PCDHA2: variants seen among roughly 807,000 people sequenced by gnomAD.
The protein encoded by PCDHA2 is protocadherin alpha-2.
PCDHA2 carries 58 observed loss-of-function variants against 66.0 expected under a neutral mutation model. The observed-to-expected ratio is 0.88, with a 90% confidence interval of 0.71 to 1.09. PCDHA2 has a LOEUF of 1.09. Among genes scored for constraint, PCDHA2 ranks in the 50% least tolerant of loss-of-function variants. The pLI, the probability that PCDHA2 is intolerant of heterozygous loss-of-function variation, is 0.00. For synonymous variants in PCDHA2, 634 were observed against 554.0 expected, an observed-to-expected ratio of 1.14 and a Z score of -2.03; for missense variants, 1,267 against 1,242.3, an observed-to-expected ratio of 1.02 and a Z score of -0.30.
At chr5:140,858,851 A>G in intron 1 of PCDHA2, 1 of 282,254 alleles carries the variant, frequency 3.5e-6, no homozygotes, top group Non-Finnish European at 6.7e-6. Flanking sequence ...ACTGATCTAT[A>G]TCTCTTCAGT....
At chr5:140,927,204 G>C (rs1554204171) in intron 1 of PCDHA2, 1 of 1,614,112 alleles carries the variant, frequency 6.2e-7, no homozygotes, top group Middle Eastern at 1.6e-4. Flanking sequence ...TCGAGGACCC[G>C]CTGGAGCTGC....
intron 1 of PCDHA2, among the ~76,000 whole-genome samples, chr5:140,971,541 G>A (rs544682624): frequency 6.6e-6 from 1 of 152,172 alleles, no homozygotes; most frequent in Non-Finnish European, 1.5e-5. Context: ...ATCATTGCCA[G>A]ATCAACCTGT....
At position 140,809,644 on chromosome 5, in the gene PCDHA2, C is replaced by A. The variant is rs1764516799; in HGVS notation, c.2388+12292C>A. On this transcript the variant is annotated intron_variant, in intron 1 of 3. Coordinates refer to ENST00000526136, the MANE Select transcript of PCDHA2 (RefSeq NM_018905.3). ...TATCAACTTCTTCGTAAATTTATTT[C>A]TAAGAGTCAAATTTCCCTGGGTTAA... 88 of 1,500,162 alleles carry A rather than the reference C, an allele frequency of 5.9e-5. No individual in the cohort carries two copies. The South Asian group carries it at 1.1e-3, about 19-fold the overall frequency. The allele number at this position is 1,500,162 out of a possible 1,614,324, so 92.9% of individuals were successfully genotyped here.
intron 1 of PCDHA2, chr5:140,870,884 G>A (rs376620715): frequency 6.5e-5 from 105 of 1,613,948 alleles, no homozygotes; most frequent in Admixed American, 3.3e-4. Context: ...GCGAAGGTGC[G>A]CGCAGTGGAT....
At chr5:140,810,968 ATTG>A (rs1373114679) in intron 1 of PCDHA2, 1 of 151,940 alleles carries the variant, frequency 6.6e-6, no homozygotes, top group Non-Finnish European at 1.5e-5. Context: ...TATTTTTATC[ATTG>A]TTGTGAGGTA....
intron 1 of PCDHA2, chr5:140,816,448 T>C (rs2126671757): frequency 6.6e-6 from 1 of 152,334 alleles, no homozygotes; most frequent in East Asian, 1.9e-4. Context: ...TTATTTTGAA[T>C]ACTTTGTCAA....
At chr5:140,858,485 T>G (rs2045446148) in intron 1 of PCDHA2, 1 of 1,503,010 alleles carries the variant, frequency 6.7e-7, no homozygotes, top group Non-Finnish European at 9.1e-7. Flanking sequence ...GAATAATATT[T>G]TCTCTTACCG....
At chr5:140,960,273 C>T (rs1490527862) in intron 1 of PCDHA2, among the ~76,000 whole-genome samples, 1 of 152,148 alleles carries the variant, frequency 6.6e-6, no homozygotes, top group Non-Finnish European at 1.5e-5. Context: ...AATTCCGTCA[C>T]CTTTTTGGGA....
rs200161334 is a variant in PCDHA2, at chr5:140,967,904, C to T, written c.2389-11045C>T. ...TAGCCCAGTGCCTGAGAATGCTACACCCAACACCATTGTGGCCGTTCTCAG... is the reference window on the plus strand; with the variant it reads ...TAGCCCAGTGCCTGAGAATGCTACATCCAACACCATTGTGGCCGTTCTCAG... On this transcript the variant is annotated intron_variant, in intron 1 of 3. Coordinates refer to ENST00000526136, the MANE Select transcript of PCDHA2 (RefSeq NM_018905.3). The T allele has an allele frequency of 3.3e-5, 53 of 1,614,164 alleles. No individual in the cohort carries two copies. In the East Asian group the frequency reaches 9.1e-4, roughly 28 times the overall value.
chr5:140,838,048 T>C (rs2150282341), intron 1 of PCDHA2, among the ~76,000 whole-genome samples: 3 of 151,048 alleles, frequency 2.0e-5, no homozygotes, highest in African/African-American at 7.3e-5. Flanking sequence ...CTGCACTTTT[T>C]GGTTTTCCAC....
At chr5:140,804,752 C>T (rs1763454242) in intron 1 of PCDHA2, 1 of 225,414 alleles carries the variant, frequency 4.4e-6, no homozygotes, top group Non-Finnish European at 8.6e-6. Context: ...GTTATCTCCT[C>T]TAGCAATTAG....
At chr5:140,819,480 C>T (rs1242714625) in intron 1 of PCDHA2, among the ~76,000 whole-genome samples, 3 of 152,058 alleles carry the variant, frequency 2.0e-5, no homozygotes, top group Non-Finnish European at 2.9e-5. Flanking sequence ...CACAATGATG[C>T]TTAAACATGA....
At chr5:140,884,603 T>A in intron 1 of PCDHA2, 4 of 1,614,132 alleles carry the variant, frequency 2.5e-6, no homozygotes, top group Non-Finnish European at 3.4e-6. Flanking sequence ...CCTTCCTCCT[T>A]GTCTGGGTTC....
At chr5:140,937,770 G>C (rs1353635012) in intron 1 of PCDHA2, among the ~76,000 whole-genome samples, 3 of 151,876 alleles carry the variant, frequency 2.0e-5, no homozygotes, top group Non-Finnish European at 4.4e-5. Flanking sequence ...AAATTAGTCG[G>C]GCGTGGTGGC....
intron 1 of PCDHA2, chr5:140,829,762 C>G (rs1770548782): frequency 6.2e-7 from 1 of 1,613,752 alleles, no homozygotes; most frequent in Non-Finnish European, 8.5e-7. Flanking sequence ...TCGTGCTGGA[C>G]GAGAACGACA....
intron 1 of PCDHA2, chr5:140,836,533 T>A (rs1554136046): frequency 6.2e-7 from 1 of 1,613,734 alleles, no homozygotes; most frequent in Non-Finnish European, 8.5e-7. Flanking sequence ...ACCCTGCTGC[T>A]GTACACGGCG....
At chr5:140,842,020 G>A in intron 1 of PCDHA2, 1 of 1,613,768 alleles carries the variant, frequency 6.2e-7, no homozygotes, top group South Asian at 1.1e-5. Flanking sequence ...TCACAGTGCT[G>A]GATGTGAATG....
intron 1 of PCDHA2, among the ~76,000 whole-genome samples, chr5:140,845,543 T>C (rs1416946225): frequency 6.7e-6 from 1 of 149,544 alleles, no homozygotes; most frequent in Non-Finnish European, 1.5e-5. Flanking sequence ...ATTCTAATTA[T>C]GGTGATGCTT....
At chr5:140,998,522 A>G (rs2097818629) in intron 3 of PCDHA2, among the ~76,000 whole-genome samples, 1 of 151,980 alleles carries the variant, frequency 6.6e-6, no homozygotes, top group South Asian at 2.1e-4. Context: ...TATTATTCAT[A>G]TTTATATCCC....
Sources: allele counts gnomAD v4.1 joint callset (sites outside exome capture counted in the v4.1 genomes callset), GRCh38; gene constraint gnomAD v4.1.1; transcripts MANE v1.5; gene names NCBI Gene and HGNC (gene_info 2026-07-23, HGNC 2026-07-21).